CEP70: variants seen among roughly 807,000 people sequenced by gnomAD.
The protein encoded by CEP70 is centrosomal protein 70.
In CEP70, 70 loss-of-function variants were observed where a neutral mutation model predicts 90.9. The observed-to-expected ratio is 0.77, with a 90% CI of 0.64 to 0.94. The LOEUF is 0.94. Ranked by LOEUF, CEP70 falls within the 40% of genes least tolerant of loss-of-function variation. CEP70 has a pLI of 0.00. For missense variants in CEP70, 648 were observed against 669.0 expected (o/e 0.97, Z 0.35); for synonymous variants, 220 against 228.3 (o/e 0.96, Z 0.33).
At chr3:138,523,239 C>G (rs1230991302) in intron 11 of CEP70, among the ~76,000 whole-genome samples, 1 of 152,112 alleles carries the variant, frequency 6.6e-6, no homozygotes, top group Non-Finnish European at 1.5e-5. Flanking sequence ...ATAATAAGAG[C>G]TATTTATGAC....
At chr3:138,498,456 G>C (rs571432449) in intron 16 of CEP70, among the ~76,000 whole-genome samples, 2 of 150,834 alleles carry the variant, frequency 1.3e-5, no homozygotes, top group Non-Finnish European at 2.9e-5. Context: ...TCCTGCCTCA[G>C]CCTCTCGAGT....
At chr3:138,514,011 C>T (rs1033841648) in intron 11 of CEP70, among the ~76,000 whole-genome samples, 1 of 151,534 alleles carries the variant, frequency 6.6e-6, no homozygotes, top group East Asian at 1.9e-4. Flanking sequence ...AGAGACTATA[C>T]CCTCTTCCAT....
chr3:138,527,619 CG>C (rs2037398404), intron 10 of CEP70, among the ~76,000 whole-genome samples: 1 of 149,786 alleles, frequency 6.7e-6, no homozygotes, highest in Admixed American at 6.7e-5. Context: ...CACTTGAGCC[CG>C]GGAGGCAGAG....
Position 138,500,366 on chromosome 3 carries a change from A to G in CEP70, c.1537+33T>C, listed in dbSNP as rs779157593. ...TTGTTAATTTATTAAAAATTCTTAA[A>G]TGGGGGCCCAAAATGACAAATTAGG... On this transcript the variant is annotated intron_variant, in intron 15 of 17. Coordinates refer to ENST00000264982, the MANE Select transcript of CEP70 (RefSeq NM_024491.4). 5 of 1,551,840 alleles carry G rather than the reference A, an allele frequency of 3.2e-6. No individual in the cohort carries two copies. In the South Asian group the frequency reaches 3.7e-5, roughly 12 times the overall value.
chr3:138,577,547 C>T (rs976638583), intron 2 of CEP70, among the ~76,000 whole-genome samples: 31 of 152,086 alleles, frequency 2.0e-4, no homozygotes, highest in Non-Finnish European at 3.2e-4. Context: ...ACTTGAGAGG[C>T]TGAGACAGGA....
At chr3:138,500,274 C>G in intron 15 of CEP70, 50 bp from the exon 16 acceptor site, 3 of 1,532,188 alleles carry the variant, frequency 2.0e-6, no homozygotes, top group Middle Eastern at 1.7e-4. Flanking sequence ...TCCAAAATTA[C>G]ATACATCAAA....
intron 8 of CEP70, 141 bp from the exon 9 acceptor site, chr3:138,529,603 G>A: frequency 1.6e-6 from 1 of 620,302 alleles, no homozygotes; most frequent in Admixed American, 3.0e-5. Flanking sequence ...CATAGAGAAT[G>A]GTATTAGAAC....
intron 11 of CEP70, among the ~76,000 whole-genome samples, chr3:138,518,963 T>C (rs2036332679): frequency 2.6e-5 from 4 of 151,948 alleles, no homozygotes. Context: ...CTAACTAGAA[T>C]AACCAATGCA....
In CEP70 at chr3:138,566,820, A is replaced by AT. The variant is rs1560426792; in HGVS notation, c.465+3497_465+3498insA. 1.5e-3 allele frequency among the ~76,000 whole-genome samples: 219 copies of AT among 147,088 alleles called. 1 individual carries two copies. The South Asian group carries it at 0.018, about 12-fold the overall frequency. On this transcript the variant is annotated intron_variant, in intron 6 of 17. Coordinates refer to ENST00000264982, the MANE Select transcript of CEP70 (RefSeq NM_024491.4). ...AACTTAAAGTATATATATATATATA[A>AT]AAAAAAAACTTAAATGTATACTTAC...
chr3:138,570,186 GA>G, intron 6 of CEP70, 131 bp downstream of exon 6: 1 of 556,736 alleles, frequency 1.8e-6, no homozygotes, highest in Non-Finnish European at 3.1e-6. Flanking sequence ...CAAGTGAAGA[GA>G]ATTTCAAGGT....
At chr3:138,510,604 G>A (rs573117644) in intron 11 of CEP70, among the ~76,000 whole-genome samples, 70 of 152,256 alleles carry the variant, frequency 4.6e-4, no homozygotes, top group Admixed American at 2.6e-4. Context: ...CAGGCAGAGC[G>A]CATCGTTAAT....
At chr3:138,577,089 G>A (rs574473782) in intron 2 of CEP70, among the ~76,000 whole-genome samples, 14 of 152,190 alleles carry the variant, frequency 9.2e-5, no homozygotes, top group Non-Finnish European at 1.6e-4. Flanking sequence ...GCAAACTATC[G>A]CAAGGATAGA....
chr3:138,556,040 G>A (rs929844138), intron 6 of CEP70, among the ~76,000 whole-genome samples: 1 of 152,138 alleles, frequency 6.6e-6, no homozygotes, highest in Non-Finnish European at 1.5e-5. Flanking sequence ...CAATCAACAA[G>A]TGGATAAAGA....
intron 11 of CEP70, among the ~76,000 whole-genome samples, chr3:138,520,780 C>T (rs556656413): frequency 4.6e-5 from 7 of 152,056 alleles, no homozygotes; most frequent in African/African-American, 1.7e-4. Flanking sequence ...AGAACTAGAG[C>T]TCCCTCTCCC....
chr3:138,585,396 C>T (rs778696239), intron 2 of CEP70, among the ~76,000 whole-genome samples: 17 of 151,678 alleles, frequency 1.1e-4, no homozygotes, highest in African/African-American at 2.4e-4. Context: ...ATTGAAGAGG[C>T]CACAAAAAAA....
chr3:138,537,133 A>G (rs373844200), intron 7 of CEP70, 45 bp downstream of exon 7: 18 of 1,362,340 alleles, frequency 1.3e-5, no homozygotes, highest in Non-Finnish European at 1.7e-5. Context: ...ACAAACAAAC[A>G]CAACAATGAA....
At chr3:138,584,259 A>C (rs1244448745) in intron 2 of CEP70, among the ~76,000 whole-genome samples, 2 of 151,982 alleles carry the variant, frequency 1.3e-5, no homozygotes, top group African/African-American at 4.8e-5. Context: ...AACAACTAAC[A>C]ACATTGAAGC....
At chr3:138,575,020 T>G (rs1261845000) in intron 2 of CEP70, among the ~76,000 whole-genome samples, 1 of 151,946 alleles carries the variant, frequency 6.6e-6, no homozygotes, top group African/African-American at 2.4e-5. Context: ...AGCTGAAAAT[T>G]CCAAAAATCA....
chr3:138,498,271 AAT>A (rs2034130106), intron 16 of CEP70, among the ~76,000 whole-genome samples, 161 bp from the exon 17 acceptor site: 1 of 152,046 alleles, frequency 6.6e-6, no homozygotes, highest in Admixed American at 6.6e-5. Flanking sequence ...TTGTTAATCC[AAT>A]ATCACTTTTC....
Sources: gnomAD v4.1 joint callset for allele counts (sites outside exome capture counted in the v4.1 genomes callset) on GRCh38, gnomAD v4.1.1 for gene constraint, MANE v1.5 for transcripts, NCBI Gene and HGNC (gene_info 2026-07-23, HGNC 2026-07-21) for gene names.